PCDH9: variants seen among roughly 807,000 people sequenced by gnomAD.
The protein encoded by PCDH9 is protocadherin 9.
Under a neutral mutation model 70.6 loss-of-function variants are expected in PCDH9, and 24 were observed. That is an observed-to-expected ratio of 0.34 (90% CI 0.25 to 0.48). The LOEUF (loss-of-function observed/expected upper bound fraction) is 0.48, where lower values mean the gene tolerates loss of function less well. Among genes scored for constraint, PCDH9 ranks in the 20% least tolerant of loss-of-function variants. The probability of loss-of-function intolerance (pLI) is 0.99; values close to 1 mark genes in which losing one functional copy is unlikely to be tolerated. For missense variants in PCDH9, 1,281 were observed against 1,503.6 expected (o/e 0.85, Z 2.45); for synonymous variants, 562 against 558.5 (o/e 1.01, Z -0.09).
chr13:66,435,355 G>A (rs1263627922), intron 4 of PCDH9, among the ~76,000 whole-genome samples: 1 of 152,018 alleles, frequency 6.6e-6, no homozygotes, highest in Non-Finnish European at 1.5e-5. Flanking sequence ...TGAGTTTTAC[G>A]ACATTATCTA....
intron 3 of PCDH9, among the ~76,000 whole-genome samples, chr13:66,888,432 A>G (rs1924572): frequency 1 from 152,053 of 152,074 alleles, 76,016 homozygotes; most frequent in Middle Eastern, 1. Flanking sequence ...AGCCTGCACC[A>G]AGGAAGTAGA....
chr13:66,750,272 T>C (rs1462905365), intron 3 of PCDH9, among the ~76,000 whole-genome samples: 2 of 152,128 alleles, frequency 1.3e-5, no homozygotes, highest in African/African-American at 4.8e-5. Context: ...TATCAAACAA[T>C]AAAAATACTA....
At position 66,650,465 on chromosome 13, in the gene PCDH9, C is replaced by T. The variant is rs1365110619; in HGVS notation, c.3139-19054G>A. Among the ~76,000 whole-genome samples, 3 of 151,972 alleles carry T rather than the reference C, an allele frequency of 2.0e-5. No individual in the cohort carries two copies. In the East Asian group the frequency reaches 5.8e-4, roughly 29 times the overall value. The stretch of plus-strand genomic sequence containing the variant: ...TATATGTACTCAGCACTGGAGCACC[C>T]AGATTTATAAAACAAATATTATTAC... On this transcript the variant is annotated intron_variant, in intron 3 of 4. Transcript: ENST00000377865.
chr13:67,182,288 C>T (rs1429345166), intron 2 of PCDH9, among the ~76,000 whole-genome samples: 4 of 152,070 alleles, frequency 2.6e-5, no homozygotes, highest in Admixed American at 2.6e-4. Flanking sequence ...CCCAATTTCC[C>T]CTGTCATTAA....
chr13:67,077,866 C>G (rs1465066781), intron 2 of PCDH9, among the ~76,000 whole-genome samples: 1 of 152,022 alleles, frequency 6.6e-6, no homozygotes, highest in African/African-American at 2.4e-5. Context: ...AAAAAAAATT[C>G]ACATGTATAT....
At chr13:66,368,538 T>G (rs1404110979) in intron 4 of PCDH9, among the ~76,000 whole-genome samples, 1 of 151,862 alleles carries the variant, frequency 6.6e-6, no homozygotes, top group East Asian at 1.9e-4. Context: ...GAATTTACAT[T>G]CAATACATTC....
intron 3 of PCDH9, among the ~76,000 whole-genome samples, chr13:66,684,331 A>G (rs1239675994): frequency 1.3e-5 from 2 of 152,168 alleles, no homozygotes; most frequent in African/African-American, 4.8e-5. Context: ...TACTTTACAG[A>G]CATGCCATCA....
chr13:67,162,209 A>G (rs947875298), intron 2 of PCDH9, among the ~76,000 whole-genome samples: 5 of 152,220 alleles, frequency 3.3e-5, no homozygotes, highest in Admixed American at 6.5e-5. Context: ...GGTACACACA[A>G]CTAATATTTG....
chr13:66,680,107 A>G (rs999817991), intron 3 of PCDH9, among the ~76,000 whole-genome samples: 7 of 151,902 alleles, frequency 4.6e-5, no homozygotes, highest in African/African-American at 1.7e-4. Flanking sequence ...TGGGGGATTG[A>G]CTATGTCCAA....
intron 2 of PCDH9, among the ~76,000 whole-genome samples, chr13:66,942,570 A>G (rs2083023634): frequency 6.6e-6 from 1 of 152,046 alleles, no homozygotes; most frequent in African/African-American, 2.4e-5. Flanking sequence ...AGTTTTATCA[A>G]AGTTTTAAGG....
In PCDH9 at chr13:66,900,332, A is replaced by G. The variant is rs372239876; in HGVS notation, c.3138+3172T>C. Among the ~76,000 whole-genome samples, 246 of 152,020 alleles carry G rather than the reference A, an allele frequency of 1.6e-3. 10 individuals carry two copies. In the South Asian group the frequency reaches 0.05, roughly 31 times the overall value. On this transcript the variant is annotated intron_variant, in intron 3 of 4. Transcript: ENST00000377865. ...CTAATGGGATTGCTGTCAGAATTAAATAAGCTATATTCCAACAATTCTAAT... is the reference window on the plus strand; with the variant it reads ...CTAATGGGATTGCTGTCAGAATTAAGTAAGCTATATTCCAACAATTCTAAT...
At chr13:66,894,451 G>C (rs945971165) in intron 3 of PCDH9, among the ~76,000 whole-genome samples, 4 of 152,078 alleles carry the variant, frequency 2.6e-5, no homozygotes, top group Non-Finnish European at 5.9e-5. Context: ...GGTTATGTTA[G>C]CTGCATAATT....
chr13:66,308,362 C>G (rs1287932129), intron 4 of PCDH9, among the ~76,000 whole-genome samples: 3 of 152,046 alleles, frequency 2.0e-5, no homozygotes, highest in Non-Finnish European at 4.4e-5. Flanking sequence ...TCCCATGATT[C>G]ATTCCTGTAA....
At chr13:67,012,750 A>G (rs1328274820) in intron 2 of PCDH9, among the ~76,000 whole-genome samples, 1 of 152,022 alleles carries the variant, frequency 6.6e-6, no homozygotes, top group Non-Finnish European at 1.5e-5. Flanking sequence ...AGTTAACGCT[A>G]AAACACTCAA....
chr13:66,900,358 A>G (rs1045196906), intron 3 of PCDH9, among the ~76,000 whole-genome samples: 5 of 151,896 alleles, frequency 3.3e-5, no homozygotes, highest in South Asian at 2.1e-4. Flanking sequence ...CAATTCTAAT[A>G]TTAAAAACCC....
At chr13:66,350,274 A>G (rs1956273680) in intron 4 of PCDH9, among the ~76,000 whole-genome samples, 1 of 152,124 alleles carries the variant, frequency 6.6e-6, no homozygotes, top group South Asian at 2.1e-4. Flanking sequence ...AAGCAACATA[A>G]TTTTTCCAAC....
chr13:66,599,673 TAC>T (rs1441046754), intron 4 of PCDH9, among the ~76,000 whole-genome samples: 2 of 151,826 alleles, frequency 1.3e-5, no homozygotes, highest in East Asian at 3.9e-4. Context: ...CTTTGATTAG[TAC>T]AGTGTATCCA....
intron 4 of PCDH9, among the ~76,000 whole-genome samples, chr13:66,402,111 A>T (rs536514466): frequency 1.3e-5 from 2 of 152,074 alleles, no homozygotes; most frequent in Non-Finnish European, 2.9e-5. Flanking sequence ...TAAATAAGTT[A>T]TTCCCCTTTC....
intron 2 of PCDH9, among the ~76,000 whole-genome samples, chr13:67,002,724 T>C (rs2084269677): frequency 6.6e-6 from 1 of 152,090 alleles, no homozygotes; most frequent in Non-Finnish European, 1.5e-5. Flanking sequence ...TATGAACTTC[T>C]TTTTTTCCTG....
Sources: allele counts gnomAD v4.1 joint callset (sites outside exome capture counted in the v4.1 genomes callset), GRCh38; gene constraint gnomAD v4.1.1; transcripts MANE v1.5; gene names NCBI Gene and HGNC (gene_info 2026-07-23, HGNC 2026-07-21).